DSCAML1: variants seen among roughly 807,000 people sequenced by gnomAD.
DSCAML1 encodes the protein cell adhesion molecule DSCAML1.
In DSCAML1, 38 loss-of-function variants were observed where a neutral mutation model predicts 200.5. That is an observed-to-expected ratio of 0.19 (90% CI 0.15 to 0.25). The LOEUF is 0.25. Among genes scored for constraint, DSCAML1 ranks in the 10% least tolerant of loss-of-function variants. The pLI is 1.00. For missense variants in DSCAML1, 2,223 were observed against 2,858.8 expected (o/e 0.78, Z 5.07); for synonymous variants, 1,215 against 1,165.0 (o/e 1.04, Z -0.87).
chr11:117,505,487 T>C lies in DSCAML1; in HGVS notation c.2029A>G (p.Thr677Ala). 1 of 1,612,394 alleles carries C rather than the reference T, an allele frequency of 6.2e-7. No individual in the cohort carries two copies. The highest frequency in any genetic ancestry group is 8.5e-7 in the Non-Finnish European group (1 of 1,179,974). ...YTCIASNAAA[T>A]VSRERQLIVR... ...ATGAGCTGGCGCTCCCGGCTCACGGTGGCGGCTGCGTTGCTGGCGATGCAT... is the reference window on the plus strand; with the variant it reads ...ATGAGCTGGCGCTCCCGGCTCACGGCGGCGGCTGCGTTGCTGGCGATGCAT... Residue 677 changes from threonine (T) to alanine (A), a missense_variant, in exon 9 of 33, where the codon ACC (threonine) becomes GCC (alanine). Physicochemically the swap from Thr to Ala is moderately conservative, Grantham distance 58. This residue lies in a region of DSCAML1 where 212 missense variants were observed against 368.0 expected (regional missense o/e 0.58). Transcript: ENST00000651296. This position sits in a 1 kb window ranked among gnomAD's most constrained non-coding sequence, Gnocchi z 6.7.
At chr11:117,461,157 C>T (rs541064502) in intron 18 of DSCAML1, among the ~76,000 whole-genome samples, 2 of 152,190 alleles carry the variant, frequency 1.3e-5, no homozygotes, top group South Asian at 2.1e-4. Context: ...TAGGTGTCTC[C>T]TTCCCACCCC....
At chr11:117,617,889 G>A (rs57926180) in intron 3 of DSCAML1, among the ~76,000 whole-genome samples, 1,760 of 152,156 alleles carry the variant, frequency 0.012, 29 homozygotes, top group African/African-American at 0.039. Flanking sequence ...GCAGGGCCAG[G>A]TCCTGCCACT....
At chr11:117,792,401 T>C (rs913719443) in intron 1 of DSCAML1, among the ~76,000 whole-genome samples, 15 of 151,982 alleles carry the variant, frequency 9.9e-5, no homozygotes, top group Non-Finnish European at 1.9e-4. Flanking sequence ...CACTCAGCTC[T>C]CCTGAAGTGC....
chr11:117,447,972 C>T (rs1272255166), intron 20 of DSCAML1, among the ~76,000 whole-genome samples: 20 of 152,188 alleles, frequency 1.3e-4, no homozygotes, highest in Admixed American at 1.2e-3. Context: ...GTTCAGTTTC[C>T]CCCCAACCTT....
At chr11:117,794,042 C>T (rs867681533) in intron 1 of DSCAML1, among the ~76,000 whole-genome samples, 6 of 146,136 alleles carry the variant, frequency 4.1e-5, no homozygotes, top group South Asian at 2.2e-4. Context: ...GCCCCCCCCC[C>T]CTTTTTTTAA....
At chr11:117,499,240 A>T (rs2049351391) in intron 11 of DSCAML1, among the ~76,000 whole-genome samples, 1 of 152,212 alleles carries the variant, frequency 6.6e-6, no homozygotes, top group South Asian at 2.1e-4. Context: ...GGGAAATAAA[A>T]GGCAGCTCTG....
chr11:117,789,858 A>G (rs939792010), intron 1 of DSCAML1, among the ~76,000 whole-genome samples: 3 of 152,198 alleles, frequency 2.0e-5, no homozygotes, highest in African/African-American at 7.2e-5. Flanking sequence ...GTGGCCAGGA[A>G]TGGGCTGCCT....
chr11:117,676,417 G>C (rs377196589), intron 3 of DSCAML1, among the ~76,000 whole-genome samples: 1 of 152,176 alleles, frequency 6.6e-6, no homozygotes, highest in Non-Finnish European at 1.5e-5. Flanking sequence ...GACACCTGTG[G>C]GGCATGCGAG....
intron 3 of DSCAML1, among the ~76,000 whole-genome samples, chr11:117,544,667 A>G (rs1432725929): frequency 6.6e-6 from 1 of 152,178 alleles, no homozygotes; most frequent in East Asian, 1.9e-4. Context: ...CTAGGATTGT[A>G]AACCCTCAAC....
intron 3 of DSCAML1, among the ~76,000 whole-genome samples, chr11:117,717,496 T>G (rs1030738649): frequency 2.0e-5 from 3 of 152,224 alleles, no homozygotes; most frequent in Non-Finnish European, 1.5e-5. Flanking sequence ...GGTGGCTTCC[T>G]GTGTGGATAA....
rs750013999 is a variant in DSCAML1, at chr11:117,444,017, C to G, written c.3731G>C (p.Ser1244Thr). The G allele has an allele frequency of 6.2e-7, 1 of 1,613,288 alleles. No individual in the cohort carries two copies. Among genetic ancestry groups the G allele is most frequent in the South Asian group, 1.1e-5 (1 of 91,048 alleles). The part of the protein sequence containing the change: ...GQPAPSEYET[S>T]PEQLFYRIAH... ...GATCCGGTAGAAGAGCTGCTCTGGA[C>G]TCGTCTCGTACTCGCTGGGAGCCTG... Residue 1244 changes from serine (S) to threonine (T), a missense_variant, in exon 21 of 33, where the codon AGT becomes ACT. Around this residue, in one of 7 missense-constraint regions of DSCAML1, gnomAD observed 614 missense variants for 739.1 expected, o/e 0.83. Transcript: ENST00000651296.
chr11:117,513,993 A>T (rs1039571166), intron 8 of DSCAML1, among the ~76,000 whole-genome samples: 2 of 152,096 alleles, frequency 1.3e-5, no homozygotes, highest in African/African-American at 4.8e-5. Flanking sequence ...CTTCCACCGG[A>T]TGTCCAGTGA....
chr11:117,746,432 G>A (rs1010381287), intron 3 of DSCAML1, among the ~76,000 whole-genome samples: 4 of 152,224 alleles, frequency 2.6e-5, no homozygotes, highest in African/African-American at 7.2e-5. Flanking sequence ...TTGGCACGCT[G>A]CTCTGTGGCT....
At chr11:117,762,650 G>A (rs1420646100) in intron 3 of DSCAML1, among the ~76,000 whole-genome samples, 1 of 152,100 alleles carries the variant, frequency 6.6e-6, no homozygotes, top group African/African-American at 2.4e-5. Context: ...ATCACTTGAG[G>A]TCAGGAGTTT....
chr11:117,787,075 T>C (rs1033112575), intron 1 of DSCAML1, among the ~76,000 whole-genome samples: 1 of 152,136 alleles, frequency 6.6e-6, no homozygotes, highest in Non-Finnish European at 1.5e-5. Context: ...CACAGTACAG[T>C]AGTGAAAAGC....
intron 3 of DSCAML1, among the ~76,000 whole-genome samples, chr11:117,708,116 C>T (rs1425055889): frequency 6.6e-6 from 1 of 152,140 alleles, no homozygotes; most frequent in African/African-American, 2.4e-5. Context: ...ACTTCCTGTA[C>T]CCCCCACACA....
At position 117,450,037 on chromosome 11, in the gene DSCAML1, C is replaced by A. The variant is rs548512213; in HGVS notation, c.3708+512G>T. ...GCAGCCTCTCAATCCTCTCCTCTCG[C>A]CTGAGCCCAGGCCCTGGTCGAGAGA... On this transcript the variant is annotated intron_variant, in intron 20 of 32. Coordinates refer to ENST00000651296, the MANE Select transcript of DSCAML1 (RefSeq NM_020693.4). Among the ~76,000 whole-genome samples, 11 of 152,324 alleles carry A rather than the reference C, an allele frequency of 7.2e-5. No homozygotes were observed. In the East Asian group the frequency reaches 2.1e-3, roughly 29 times the overall value.
chr11:117,533,483 A>G (rs1421492353), intron 3 of DSCAML1, among the ~76,000 whole-genome samples: 2 of 152,342 alleles, frequency 1.3e-5, no homozygotes, highest in Middle Eastern at 6.8e-3. Context: ...AGGCAAAGCT[A>G]TACCAGGATG....
At chr11:117,706,264 G>A (rs2137757508) in intron 3 of DSCAML1, among the ~76,000 whole-genome samples, 1 of 152,228 alleles carries the variant, frequency 6.6e-6, no homozygotes, top group South Asian at 2.1e-4. Flanking sequence ...GTCCTAGTTA[G>A]TTTTTGTTTT....
Sources: gnomAD v4.1 joint callset for allele counts (sites outside exome capture counted in the v4.1 genomes callset) on GRCh38, gnomAD v4.1.1 for gene constraint, gnomAD v4.1.1 regional missense constraint, Gnocchi (gnomAD v3.1) non-coding constraint, MANE v1.5 for transcripts, NCBI Gene and HGNC (gene_info 2026-07-23, HGNC 2026-07-21) for gene names.